Variants in DHX15 observed in about 807,000 individuals in gnomAD.
The protein encoded by DHX15 is ATP-dependent RNA helicase DHX15.
A neutral mutation model predicts 94.4 loss-of-function variants in DHX15; 11 were observed. The ratio of observed to expected loss-of-function variants is 0.12; its 90% CI spans 0.07 to 0.19. The LOEUF is 0.19. Ranked by LOEUF, DHX15 falls within the 10% of genes least tolerant of loss-of-function variation. The probability of loss-of-function intolerance (pLI) is 1.00; values close to 1 mark genes in which losing one functional copy is unlikely to be tolerated. For missense variants in DHX15, 304 were observed against 988.5 expected (o/e 0.31, Z 9.29); for synonymous variants, 338 against 329.9 (o/e 1.02, Z -0.27).
intron 13 of DHX15, among the ~76,000 whole-genome samples, chr4:24,528,687 G>A (rs986673352): frequency 6.6e-6 from 1 of 152,116 alleles, no homozygotes; most frequent in Non-Finnish European, 1.5e-5. Context: ...ATAGGTTATA[G>A]AATAGATTCT....
intron 6 of DHX15, among the ~76,000 whole-genome samples, chr4:24,543,878 T>C (rs1038991608): frequency 2.0e-5 from 3 of 152,168 alleles, no homozygotes; most frequent in Admixed American, 2.0e-4. Context: ...TGTCTGTATA[T>C]GCAAGCAATT....
intron 4 of DHX15, 87 bp downstream of exon 4, chr4:24,556,164 C>T: frequency 4.8e-6 from 5 of 1,047,534 alleles, no homozygotes; most frequent in East Asian, 2.6e-5. Flanking sequence ...TGATTTCTTA[C>T]AGTTGGTTAT....
chr4:24,584,463 G>A lies in DHX15; in HGVS notation c.-70C>T, dbSNP rs888603813. 1.2e-5 allele frequency: 18 copies of A among 1,469,058 alleles called. No homozygotes were observed. The highest frequency in any genetic ancestry group is 1.6e-5 in the Non-Finnish European group (17 of 1,073,670). The allele number at this position is 1,469,058 out of a possible 1,614,324, so 91.0% of individuals were successfully genotyped here. On this transcript the variant is annotated 5_prime_UTR_variant, in exon 1 of 14. Transcript: ENST00000336812. ...TGCTGTATGGGCACAGTCGAGGACA[G>A]CCACTTAACTCTGGAGGACCCCCAC...
At chr4:24,553,294 C>A (rs1721653416) in intron 5 of DHX15, among the ~76,000 whole-genome samples, 1 of 152,020 alleles carries the variant, frequency 6.6e-6, no homozygotes, top group African/African-American at 2.4e-5. Context: ...GCACTCCAGC[C>A]TGGGCAACAA....
At chr4:24,562,532 T>G (rs1190995353) in intron 3 of DHX15, among the ~76,000 whole-genome samples, 1 of 152,140 alleles carries the variant, frequency 6.6e-6, no homozygotes, top group Non-Finnish European at 1.5e-5. Context: ...TAAAAATTGT[T>G]TAAAATAAAA....
At position 24,562,131 on chromosome 4, in the gene DHX15, C is replaced by CAAAAA. The variant is rs71196191; in HGVS notation, c.702-5726_702-5722dup. 5.1e-4 allele frequency among the ~76,000 whole-genome samples: 40 copies of CAAAAA among 77,792 alleles called. 1 individual carries two copies. The highest frequency in any genetic ancestry group is 9.3e-4 in the Non-Finnish European group (39 of 42,060). 51.0% of individuals were successfully genotyped at this position (77,792 alleles called of 152,430 possible). A position where few individuals can be genotyped will look rare whatever the true frequency, so the allele number is the denominator to read the frequency against. ...AGCCTGGAAGAGTGAGACACTGTCT[C>CAAAAA]AAAAAAAAAAAAAAAAAAAAAAAAT... On this transcript the variant is annotated intron_variant, in intron 3 of 13. Coordinates refer to ENST00000336812, the MANE Select transcript of DHX15 (RefSeq NM_001358.3).
Position 24,554,957 on chromosome 4 carries a change from G to A in DHX15, c.862-14C>T. ...CATAACTATAACCTGAAAGAAAACA[G>A]TAAATTATTTGAAGCTGTCTTCAAG... On this transcript the variant is annotated splice_polypyrimidine_tract_variant and intron_variant, in intron 4 of 13. Transcript: ENST00000336812. 2 of 1,598,898 alleles carry A rather than the reference G, an allele frequency of 1.3e-6. No individual in the cohort carries two copies. Among genetic ancestry groups the A allele is most frequent in the Non-Finnish European group, 8.6e-7 (1 of 1,167,180 alleles).
intron 1 of DHX15, chr4:24,580,770 G>C (rs971685407): frequency 3.9e-5 from 6 of 152,066 alleles, no homozygotes; most frequent in African/African-American, 1.2e-4. Flanking sequence ...CATTCGCCTA[G>C]GCCTCCCAAA....
chr4:24,581,789 A>C (rs1314705561), intron 1 of DHX15, among the ~76,000 whole-genome samples: 1 of 152,224 alleles, frequency 6.6e-6, no homozygotes, highest in African/African-American at 2.4e-5. Context: ...TAAGTATGGA[A>C]AATTATTACT....
chr4:24,539,241 A>G (rs1721257446), intron 10 of DHX15: 1 of 152,172 alleles, frequency 6.6e-6, no homozygotes, highest in Admixed American at 6.6e-5. Context: ...ATATTTTGAA[A>G]TATTTGCAGC....
intron 6 of DHX15, 95 bp from the exon 7 acceptor site, chr4:24,543,121 A>G (rs945765172): frequency 4.4e-5 from 33 of 744,202 alleles, no homozygotes; most frequent in Non-Finnish European, 6.7e-5. Context: ...GACACAAGGA[A>G]TTTCAAGCCA....
chr4:24,560,801 G>A (rs1407484544), intron 3 of DHX15, among the ~76,000 whole-genome samples: 1 of 152,136 alleles, frequency 6.6e-6, no homozygotes, highest in African/African-American at 2.4e-5. Context: ...ACCAGTCTCA[G>A]ATTCCAAAAA....
rs566410954 is a variant in DHX15 at position 24,569,136 on chromosome 4, T to C, written c.701+1518A>G. On this transcript the variant is annotated intron_variant, in intron 3 of 13. Transcript: ENST00000336812. ...TTATGATAGCTCTATTTTAAGAAACTATCTCAGAGATACACACTGAAATAT... is the reference window on the plus strand; with the variant it reads ...TTATGATAGCTCTATTTTAAGAAACCATCTCAGAGATACACACTGAAATAT... Among the ~76,000 whole-genome samples, 8 of 152,346 alleles carry C rather than the reference T, an allele frequency of 5.3e-5. No homozygotes were observed. In the South Asian group the frequency reaches 1.4e-3, roughly 28 times the overall value.
At position 24,537,330 on chromosome 4, in the gene DHX15, G is replaced by A. The variant is rs1218031633; in HGVS notation, c.1787-157C>T. On this transcript the variant is annotated intron_variant, in intron 10 of 13. Transcript: ENST00000336812. This position sits in a 1 kb window ranked among gnomAD's most constrained non-coding sequence, Gnocchi z 4.7. ...CTTGGATTGTTTACTACCTTGATTT[G>A]GTACATCAACACCTAACCACATCTG... 1 of 872,948 alleles carries A rather than the reference G, an allele frequency of 1.1e-6. No individual in the cohort carries two copies. Among genetic ancestry groups the A allele is most frequent in the Non-Finnish European group, 1.7e-6 (1 of 595,084 alleles). The allele number at this position is 872,948 out of a possible 1,614,324, so 54.1% of individuals were successfully genotyped here.
intron 11 of DHX15, among the ~76,000 whole-genome samples, chr4:24,534,553 A>T (rs571098549): frequency 6.6e-6 from 1 of 152,288 alleles, no homozygotes; most frequent in Admixed American, 6.5e-5. Context: ...ATATAATTCT[A>T]GCTGTTTATC....
chr4:24,532,637 TA>T, intron 12 of DHX15, among the ~76,000 whole-genome samples: 1 of 152,350 alleles, frequency 6.6e-6, no homozygotes, highest in Middle Eastern at 3.4e-3. Flanking sequence ...GATTCCTGTA[TA>T]ACTAGACTAC....
chr4:24,533,329 C>T lies in DHX15; in HGVS notation c.1910-275G>A, dbSNP rs1721127607. The T allele has an allele frequency of 8.8e-6, 4 of 454,988 alleles. No homozygotes were observed. In the Admixed American group the frequency reaches 1.4e-4, roughly 16 times the overall value. 28.2% of individuals were successfully genotyped at this position (454,988 alleles called of 1,614,324 possible). A position where few individuals can be genotyped will look rare whatever the true frequency, so the allele number is the denominator to read the frequency against. On this transcript the variant is annotated intron_variant, in intron 11 of 13. Transcript: ENST00000336812. ...TTTAGTGAATTACTTCTCCCATTAA[C>T]ATCCACCTGGTTGTTTCCAAAAGAT...
intron 2 of DHX15, among the ~76,000 whole-genome samples, chr4:24,571,602 C>T (rs965880855): frequency 2.0e-5 from 3 of 152,070 alleles, no homozygotes; most frequent in Admixed American, 6.6e-5. Flanking sequence ...TGGAAAAGAA[C>T]CATGGGAAAA....
At chr4:24,546,063 G>A (rs1721417113) in intron 6 of DHX15, among the ~76,000 whole-genome samples, 1 of 152,004 alleles carries the variant, frequency 6.6e-6, no homozygotes, top group African/African-American at 2.4e-5. Context: ...AGAACTCGCA[G>A]TACTTCATTT....
Sources: gnomAD v4.1 joint callset for allele counts (sites outside exome capture counted in the v4.1 genomes callset) on GRCh38, gnomAD v4.1.1 for gene constraint, Gnocchi (gnomAD v3.1) non-coding constraint, MANE v1.5 for transcripts, NCBI Gene and HGNC (gene_info 2026-07-23, HGNC 2026-07-21) for gene names.